The following GALNTL6 variants were observed in gnomAD, a reference collection of about 807,000 sequenced individuals.
The protein encoded by GALNTL6 is polypeptide N-acetylgalactosaminyltransferase like 6.
GALNTL6 carries 46 observed loss-of-function variants against 73.7 expected under a neutral mutation model. That is an observed-to-expected ratio of 0.62 (90% confidence interval 0.49 to 0.80). The LOEUF (loss-of-function observed/expected upper bound fraction) is 0.80. Among genes scored for constraint, GALNTL6 ranks in the 30% least tolerant of loss-of-function variants. The probability of loss-of-function intolerance (pLI) is 0.00; values close to 1 mark genes in which losing one functional copy is unlikely to be tolerated. For synonymous variants in GALNTL6, 259 were observed against 263.7 expected (o/e 0.98, Z 0.17); for missense variants, 604 against 755.0 (o/e 0.80, Z 2.34).
intron 4 of GALNTL6, among the ~76,000 whole-genome samples, chr4:172,346,759 A>G (rs1205740225): frequency 6.6e-6 from 1 of 152,104 alleles, no homozygotes; most frequent in Non-Finnish European, 1.5e-5. Flanking sequence ...ACATGAGTGA[A>G]TGAATGAATG....
At chr4:172,376,909 G>T (rs1743052968) in intron 5 of GALNTL6, among the ~76,000 whole-genome samples, 1 of 152,150 alleles carries the variant, frequency 6.6e-6, no homozygotes, top group African/African-American at 2.4e-5. Context: ...TCTTCCTTCT[G>T]TTGGGTTCAT....
chr4:172,617,995 C>T (rs1487268046), intron 5 of GALNTL6, among the ~76,000 whole-genome samples: 1 of 152,152 alleles, frequency 6.6e-6, no homozygotes, highest in African/African-American at 2.4e-5. Context: ...GCCTCTGTCC[C>T]TCCTTCTCCA....
At chr4:171,979,743 G>A (rs1488551734) in intron 2 of GALNTL6, among the ~76,000 whole-genome samples, 3 of 152,176 alleles carry the variant, frequency 2.0e-5, no homozygotes, top group Non-Finnish European at 2.9e-5. Context: ...GGGAATATCA[G>A]AAGAAACAAA....
intron 5 of GALNTL6, among the ~76,000 whole-genome samples, chr4:172,560,971 CG>C (rs1736330683): frequency 6.6e-6 from 1 of 152,030 alleles, no homozygotes; most frequent in African/African-American, 2.4e-5. Context: ...AAATATTGCC[CG>C]GCCGGGCGCG....
At chr4:172,805,165 G>T (rs112528792) in intron 5 of GALNTL6, among the ~76,000 whole-genome samples, 2 of 152,226 alleles carry the variant, frequency 1.3e-5, no homozygotes, top group Non-Finnish European at 2.9e-5. Context: ...CCAAAGTCAC[G>T]CAGCCAGTCA....
At chr4:172,592,066 A>G (rs1737658920) in intron 5 of GALNTL6, among the ~76,000 whole-genome samples, 1 of 152,182 alleles carries the variant, frequency 6.6e-6, no homozygotes, top group Admixed American at 6.5e-5. Context: ...GCTTTAAAGA[A>G]ATATCTAAGG....
chr4:172,669,828 C>T (rs1731874655), intron 5 of GALNTL6, among the ~76,000 whole-genome samples: 1 of 152,048 alleles, frequency 6.6e-6, no homozygotes, highest in Non-Finnish European at 1.5e-5. Context: ...CCACACTGTA[C>T]CCTCCAATAA....
intron 2 of GALNTL6, among the ~76,000 whole-genome samples, chr4:171,823,550 A>G (rs1407210315): frequency 7.0e-6 from 1 of 143,712 alleles, no homozygotes; most frequent in East Asian, 2.0e-4. Context: ...TAGTCTATAA[A>G]CTGTGAATAT....
rs542260670 is a variant in GALNTL6, at chr4:172,568,992, G to A, written c.553+220303G>A. The stretch of plus-strand genomic sequence containing the variant: ...CCCAAGAGAATTCTTCTTCCAGTGT[G>A]GCCCAGGGAAGCCAAAAAATTGGAC... On this transcript the variant is annotated intron_variant, in intron 5 of 12. Transcript: ENST00000506823. 2.6e-5 allele frequency among the ~76,000 whole-genome samples: 4 copies of A among 151,340 alleles called. No individual in the cohort carries two copies. In the South Asian group the frequency reaches 8.4e-4, roughly 32 times the overall value.
At chr4:172,709,032 G>T (rs1004991052) in intron 5 of GALNTL6, among the ~76,000 whole-genome samples, 6 of 152,048 alleles carry the variant, frequency 3.9e-5, no homozygotes, top group African/African-American at 1.4e-4. Context: ...TTGTTCTATT[G>T]GCTTCTATTA....
At chr4:172,250,761 A>C (rs752292205) in intron 3 of GALNTL6, among the ~76,000 whole-genome samples, 1 of 152,166 alleles carries the variant, frequency 6.6e-6, no homozygotes, top group Non-Finnish European at 1.5e-5. Flanking sequence ...GTATTTCCTC[A>C]TAGTAGCATG....
intron 2 of GALNTL6, among the ~76,000 whole-genome samples, chr4:172,086,952 A>G (rs1260875411): frequency 5.3e-5 from 8 of 152,196 alleles, no homozygotes; most frequent in African/African-American, 1.9e-4. Flanking sequence ...ATATTGCTTG[A>G]CATCCTGTCC....
chr4:172,350,765 A>AT (rs1255983479), intron 5 of GALNTL6, among the ~76,000 whole-genome samples: 10 of 152,028 alleles, frequency 6.6e-5, no homozygotes, highest in Non-Finnish European at 1.2e-4. Flanking sequence ...CTTTTTCCAA[A>AT]TTTTTGCTTT....
chr4:172,515,578 A>C (rs1734576488), intron 5 of GALNTL6, among the ~76,000 whole-genome samples: 1 of 152,244 alleles, frequency 6.6e-6, no homozygotes, highest in Non-Finnish European at 1.5e-5. Context: ...ATCAATCCCC[A>C]TGTGAAGTAG....
chr4:172,241,672 A>G (rs745953718), intron 3 of GALNTL6, among the ~76,000 whole-genome samples: 3 of 152,246 alleles, frequency 2.0e-5, no homozygotes, highest in Non-Finnish European at 4.4e-5. Context: ...ATGTTAAGGC[A>G]TTAAGGCATA....
chr4:172,652,429 A>G (rs988352323), intron 5 of GALNTL6, among the ~76,000 whole-genome samples: 3 of 152,212 alleles, frequency 2.0e-5, no homozygotes, highest in African/African-American at 7.2e-5. Flanking sequence ...AAGGAAGGTA[A>G]GATCATGTGC....
chr4:172,878,613 C>A (rs747111468), intron 7 of GALNTL6, among the ~76,000 whole-genome samples: 4 of 151,230 alleles, frequency 2.6e-5, no homozygotes, highest in Non-Finnish European at 5.9e-5. Flanking sequence ...AACAAAGAAA[C>A]CACTTAAAAT....
At chr4:172,143,177 G>C (rs6847084) in intron 2 of GALNTL6, among the ~76,000 whole-genome samples, 3,093 of 151,918 alleles carry the variant, frequency 0.02, 103 homozygotes, top group African/African-American at 0.069. Flanking sequence ...AGTGACTGTT[G>C]TTACTATGTG....
intron 5 of GALNTL6, among the ~76,000 whole-genome samples, chr4:172,672,325 G>T (rs1732035777): frequency 6.6e-6 from 1 of 152,226 alleles, no homozygotes; most frequent in African/African-American, 2.4e-5. Context: ...TGATTTGCAT[G>T]TGCTGAACCA....
Sources: gnomAD v4.1 joint callset for allele counts (sites outside exome capture counted in the v4.1 genomes callset) on GRCh38, gnomAD v4.1.1 for gene constraint, MANE v1.5 for transcripts, NCBI Gene and HGNC (gene_info 2026-07-23, HGNC 2026-07-21) for gene names.